CADM2: variants seen among roughly 807,000 people sequenced by gnomAD.
CADM2 encodes the protein cell adhesion molecule 2.
A neutral mutation model predicts 49.8 loss-of-function variants in CADM2; 12 were observed. The ratio of observed to expected loss-of-function variants is 0.24; its 90% CI spans 0.15 to 0.39. The LOEUF is 0.39. Ranked by LOEUF, CADM2 falls within the 10% of genes least tolerant of loss-of-function variation. The pLI, the probability that CADM2 is intolerant of heterozygous loss-of-function variation, is 1.00. For missense variants in CADM2, 378 were observed against 492.3 expected, an observed-to-expected ratio of 0.77 and a Z score of 2.20; for synonymous variants, 214 against 175.4, an observed-to-expected ratio of 1.22 and a Z score of -1.74.
intron 1 of CADM2, among the ~76,000 whole-genome samples, chr3:85,497,445 T>A (rs758136445): frequency 6.6e-6 from 1 of 152,124 alleles, no homozygotes; most frequent in Non-Finnish European, 1.5e-5. Flanking sequence ...TATAAAATGT[T>A]ATATCTATAT....
At chr3:85,703,859 A>G (rs2066857359) in intron 1 of CADM2, among the ~76,000 whole-genome samples, 1 of 152,124 alleles carries the variant, frequency 6.6e-6, no homozygotes, top group Non-Finnish European at 1.5e-5. Flanking sequence ...TCACCCCCAT[A>G]CCATCTTCTA....
chr3:85,775,376 C>A (rs115784792), intron 2 of CADM2, among the ~76,000 whole-genome samples: 217 of 151,698 alleles, frequency 1.4e-3, no homozygotes, highest in Middle Eastern at 3.4e-3. Flanking sequence ...CTACTGATAT[C>A]ATCAGTTGTA....
chr3:85,451,839 C>A (rs1195212861), intron 1 of CADM2, among the ~76,000 whole-genome samples: 1 of 152,042 alleles, frequency 6.6e-6, no homozygotes, highest in African/African-American at 2.4e-5. Flanking sequence ...TAGCTATTAT[C>A]GTGAAGTGTC....
At chr3:85,945,323 T>A (rs1434645453) in intron 7 of CADM2, among the ~76,000 whole-genome samples, 1 of 151,576 alleles carries the variant, frequency 6.6e-6, no homozygotes, top group South Asian at 2.1e-4. Flanking sequence ...GACCAGACGG[T>A]TTCACAGCCG....
At chr3:85,822,311 C>A (rs749737117) in intron 3 of CADM2, among the ~76,000 whole-genome samples, 1 of 152,032 alleles carries the variant, frequency 6.6e-6, no homozygotes, top group South Asian at 2.1e-4. Flanking sequence ...GGGCCAGGTG[C>A]GGTGGCTCAT....
chr3:86,021,428 T>G (rs1181293852), intron 8 of CADM2, among the ~76,000 whole-genome samples: 2 of 152,166 alleles, frequency 1.3e-5, no homozygotes, highest in African/African-American at 4.8e-5. Context: ...TAGCTTAAGA[T>G]AGAAATTCAT....
intron 8 of CADM2, among the ~76,000 whole-genome samples, chr3:86,031,309 C>A (rs1172463114): frequency 6.6e-6 from 1 of 151,734 alleles, no homozygotes; most frequent in Non-Finnish European, 1.5e-5. Flanking sequence ...AAGACAAGTT[C>A]TGTCATTACT....
rs552802633 is a variant in CADM2 at position 85,470,981 on chromosome 3, G to T, written c.62-255541G>T. On this transcript the variant is annotated intron_variant, in intron 1 of 9. Transcript: ENST00000383699. ...CAGGCAAATTCCACAGCTGTATGCT[G>T]CAGATTTATTGTTTAATCATGGTAT... Among the ~76,000 whole-genome samples the T allele has an allele frequency of 3.9e-4, 59 of 152,268 alleles. 1 individual carries two copies. Among genetic ancestry groups the T allele is most frequent in the African/African-American group, 1.4e-3 (57 of 41,566 alleles).
At chr3:85,202,892 T>C (rs1429342739) in intron 1 of CADM2, among the ~76,000 whole-genome samples, 4 of 152,228 alleles carry the variant, frequency 2.6e-5, no homozygotes, top group East Asian at 1.9e-4. Flanking sequence ...TACACCAGCA[T>C]TGGCTGCTTC....
chr3:85,870,719 A>G (rs1175524929), intron 3 of CADM2, among the ~76,000 whole-genome samples: 1 of 152,088 alleles, frequency 6.6e-6, no homozygotes, highest in African/African-American at 2.4e-5. Flanking sequence ...AAATGTATGC[A>G]TATGTCTTTA....
At chr3:85,432,362 AAC>A (rs1353170057) in intron 1 of CADM2, among the ~76,000 whole-genome samples, 1 of 152,062 alleles carries the variant, frequency 6.6e-6, no homozygotes, top group African/African-American at 2.4e-5. Context: ...GACCAAAAAT[AAC>A]AGACTGAGGG....
intron 1 of CADM2, among the ~76,000 whole-genome samples, chr3:85,484,716 C>A (rs1042874050): frequency 5.3e-5 from 8 of 151,984 alleles, no homozygotes; most frequent in African/African-American, 1.7e-4. Context: ...TTTAATTGTA[C>A]AACTTAAAAC....
chr3:85,864,265 A>G (rs1334185194), intron 3 of CADM2, among the ~76,000 whole-genome samples: 1 of 152,156 alleles, frequency 6.6e-6, no homozygotes, highest in Non-Finnish European at 1.5e-5. Flanking sequence ...TTTTTCTGTA[A>G]TTATAAACAC....
At chr3:85,987,594 T>A (rs1188029301) in intron 8 of CADM2, among the ~76,000 whole-genome samples, 1 of 147,060 alleles carries the variant, frequency 6.8e-6, no homozygotes, top group East Asian at 2.0e-4. Context: ...ATAAATAAAA[T>A]TGTTATAATA....
chr3:85,415,810 G>C (rs2035895909), intron 1 of CADM2, among the ~76,000 whole-genome samples: 1 of 152,128 alleles, frequency 6.6e-6, no homozygotes, highest in African/African-American at 2.4e-5. Flanking sequence ...ATCAAAGCTT[G>C]TAAGGGAGAG....
At chr3:85,493,554 A>G (rs1318722925) in intron 1 of CADM2, among the ~76,000 whole-genome samples, 2 of 152,254 alleles carry the variant, frequency 1.3e-5, no homozygotes, top group East Asian at 3.8e-4. Flanking sequence ...TTAAATTGCC[A>G]ATAAACTGAC....
chr3:85,613,236 T>G (rs1192361479), intron 1 of CADM2, among the ~76,000 whole-genome samples: 3 of 151,670 alleles, frequency 2.0e-5, no homozygotes, highest in African/African-American at 7.2e-5. Context: ...CTATCTAAAC[T>G]TTTATTTTAA....
intron 1 of CADM2, among the ~76,000 whole-genome samples, chr3:85,122,931 G>C (rs1347053889): frequency 6.6e-6 from 1 of 152,074 alleles, no homozygotes; most frequent in African/African-American, 2.4e-5. Flanking sequence ...ACCTCAAACT[G>C]AGCTAAGTGT....
chr3:86,024,711 C>A (rs1453011350), intron 8 of CADM2, among the ~76,000 whole-genome samples: 3 of 152,070 alleles, frequency 2.0e-5, no homozygotes, highest in African/African-American at 7.2e-5. Flanking sequence ...TTTCTGCCAT[C>A]AAGCATATTT....
Sources: allele counts gnomAD v4.1 joint callset (sites outside exome capture counted in the v4.1 genomes callset), GRCh38; gene constraint gnomAD v4.1.1; transcripts MANE v1.5; gene names NCBI Gene and HGNC (gene_info 2026-07-23, HGNC 2026-07-21).